EPHB1: variants seen among roughly 807,000 people sequenced by gnomAD.
The protein encoded by EPHB1 is EPH receptor B1, also known as ephrin type-B receptor 1.
A neutral mutation model predicts 94.4 loss-of-function variants in EPHB1; 30 were observed. The ratio of observed to expected loss-of-function variants is 0.32; its 90% CI spans 0.24 to 0.43. EPHB1 has a LOEUF of 0.43. Among genes scored for constraint, EPHB1 ranks in the 20% least tolerant of loss-of-function variants. The pLI is 1.00. For missense variants in EPHB1, 1,055 were observed against 1,308.3 expected, an observed-to-expected ratio of 0.81 and a Z score of 2.99; for synonymous variants, 522 against 489.1, an observed-to-expected ratio of 1.07 and a Z score of -0.89.
rs547020719 is a variant in EPHB1, at chr3:135,255,191, G to A, written c.2847-3821G>A. On this transcript the variant is annotated intron_variant, in intron 15 of 15. Transcript: ENST00000398015. ...CCTGGATTCATTAATTTTTTGAAGG[G>A]TTTTTTATGTCTCTATTTCCTTCAG... Among the ~76,000 whole-genome samples the A allele has an allele frequency of 5.4e-4, 82 of 151,978 alleles. No homozygotes were observed. In the East Asian group the frequency reaches 0.015, roughly 29 times the overall value.
chr3:135,133,151 T>G, intron 5 of EPHB1, 102 bp downstream of exon 5: 2 of 1,183,954 alleles, frequency 1.7e-6, no homozygotes, highest in Non-Finnish European at 2.4e-6. Flanking sequence ...CCGTGTACTG[T>G]CAGGCCTCTG....
intron 3 of EPHB1, among the ~76,000 whole-genome samples, chr3:135,056,224 T>C (rs1937343093): frequency 6.6e-6 from 1 of 152,238 alleles, no homozygotes; most frequent in Non-Finnish European, 1.5e-5. Context: ...GCTACCACTG[T>C]GCATGAAGAA....
intron 5 of EPHB1, among the ~76,000 whole-genome samples, chr3:135,143,217 C>T (rs1465558245): frequency 2.0e-5 from 3 of 152,018 alleles, no homozygotes; most frequent in Admixed American, 1.3e-4. Flanking sequence ...CAAGAAGAGG[C>T]CCACAACTCC....
At chr3:134,860,536 C>T (rs535944969) in intron 1 of EPHB1, among the ~76,000 whole-genome samples, 12 of 152,214 alleles carry the variant, frequency 7.9e-5, no homozygotes, top group East Asian at 5.8e-4. Flanking sequence ...ATTTCTTGGC[C>T]GGGCGCGATG....
At chr3:135,224,996 G>A (rs1187554639) in intron 12 of EPHB1, among the ~76,000 whole-genome samples, 1 of 152,174 alleles carries the variant, frequency 6.6e-6, no homozygotes, top group Non-Finnish European at 1.5e-5. Context: ...TGCTCTGCCT[G>A]CACCTTTGAT....
At chr3:134,924,411 A>C (rs530985198) in intron 1 of EPHB1, among the ~76,000 whole-genome samples, 1 of 152,356 alleles carries the variant, frequency 6.6e-6, no homozygotes, top group South Asian at 2.1e-4. Context: ...AAAATAATCC[A>C]TTTAAAAAGG....
chr3:134,849,456 G>A (rs1042540767), intron 1 of EPHB1, among the ~76,000 whole-genome samples: 12 of 152,170 alleles, frequency 7.9e-5, no homozygotes, highest in African/African-American at 2.9e-4. Context: ...TGAGTGCCCT[G>A]GAAGGTAGAG....
intron 3 of EPHB1, among the ~76,000 whole-genome samples, chr3:134,991,296 G>C (rs535262957): frequency 6.6e-6 from 1 of 152,254 alleles, no homozygotes; most frequent in South Asian, 2.1e-4. Flanking sequence ...CTGTGGAGGA[G>C]GGCTGGAAAG....
chr3:134,995,176 T>C (rs1346745832), intron 3 of EPHB1, among the ~76,000 whole-genome samples: 1 of 152,216 alleles, frequency 6.6e-6, no homozygotes, highest in East Asian at 1.9e-4. Context: ...ATCAATGTGT[T>C]CTTGATCTCT....
intron 3 of EPHB1, among the ~76,000 whole-genome samples, chr3:134,998,084 T>C (rs1445107255): frequency 6.6e-6 from 1 of 152,254 alleles, no homozygotes; most frequent in African/African-American, 2.4e-5. Context: ...ATGCTTTCTC[T>C]TGATGTATCT....
intron 1 of EPHB1, among the ~76,000 whole-genome samples, chr3:134,806,693 G>A (rs753608984): frequency 4.6e-5 from 7 of 152,114 alleles, no homozygotes; most frequent in Non-Finnish European, 1.0e-4. Context: ...GGAAAGGGGT[G>A]GAGATATGAT....
chr3:134,899,677 G>A (rs1027827726), intron 1 of EPHB1, among the ~76,000 whole-genome samples: 28 of 151,878 alleles, frequency 1.8e-4, no homozygotes, highest in Admixed American at 1.3e-3. Flanking sequence ...GTTTTGTTTT[G>A]TTTGTTTTAT....
At chr3:134,847,413 AT>A (rs1386389731) in intron 1 of EPHB1, among the ~76,000 whole-genome samples, 1 of 152,242 alleles carries the variant, frequency 6.6e-6, no homozygotes, top group Non-Finnish European at 1.5e-5. Context: ...CCTCTGTAAA[AT>A]GTGGACACTC....
chr3:135,083,994 G>A (rs551562018), intron 3 of EPHB1, among the ~76,000 whole-genome samples: 1 of 152,230 alleles, frequency 6.6e-6, no homozygotes, highest in South Asian at 2.1e-4. Flanking sequence ...AATCGCTACT[G>A]AGGCAGTGGG....
chr3:134,898,874 C>T (rs1296498799), intron 1 of EPHB1, among the ~76,000 whole-genome samples: 1 of 152,078 alleles, frequency 6.6e-6, no homozygotes, highest in East Asian at 1.9e-4. Flanking sequence ...GCTGGGTGTG[C>T]TGTGGACCAG....
chr3:135,248,528 T>C lies in EPHB1; in HGVS notation c.2690+19T>C. ...CCGCCGTGTGAGTCTAGTGAAACGG[T>C]GATCCCTAAATATGGCTGGTTTCAT... On this transcript the variant is annotated intron_variant, in intron 14 of 15. Transcript: ENST00000398015. 1 of 1,555,386 alleles carries C rather than the reference T, an allele frequency of 6.4e-7. No individual in the cohort carries two copies.
chr3:134,800,701 G>C (rs1017407807), intron 1 of EPHB1, among the ~76,000 whole-genome samples: 1 of 152,170 alleles, frequency 6.6e-6, no homozygotes, highest in Non-Finnish European at 1.5e-5. Flanking sequence ...TGCTGAATCA[G>C]AATGGCCTGG....
chr3:135,074,249 A>AAAAAAC (rs1937829223), intron 3 of EPHB1, among the ~76,000 whole-genome samples: 1 of 152,254 alleles, frequency 6.6e-6, no homozygotes, highest in Non-Finnish European at 1.5e-5. Context: ...TCTCCAATTG[A>AAAAAAC]TCAGTGGAGT....
chr3:135,216,404 G>T (rs1943149214), intron 12 of EPHB1, among the ~76,000 whole-genome samples: 1 of 152,070 alleles, frequency 6.6e-6, no homozygotes, highest in South Asian at 2.1e-4. Flanking sequence ...GTATGAAGGA[G>T]TTGGAGACAG....
Sources: allele counts gnomAD v4.1 joint callset (sites outside exome capture counted in the v4.1 genomes callset), GRCh38; gene constraint gnomAD v4.1.1; transcripts MANE v1.5; gene names NCBI Gene and HGNC (gene_info 2026-07-23, HGNC 2026-07-21).